DDR2: variants seen among roughly 807,000 people sequenced by gnomAD.
DDR2 encodes the protein discoidin domain-containing receptor 2.
Under a neutral mutation model 94.9 loss-of-function variants are expected in DDR2, and 27 were observed. The ratio of observed to expected loss-of-function variants is 0.28; its 90% confidence interval spans 0.21 to 0.39. DDR2 has a LOEUF of 0.39. Ranked by LOEUF, DDR2 falls within the 10% of genes least tolerant of loss-of-function variation. The pLI is 1.00. For synonymous variants in DDR2, 382 were observed against 377.2 expected (o/e 1.01, Z -0.15); for missense variants, 783 against 1,076.0 (o/e 0.73, Z 3.81).
chr1:162,772,332 G>A, intron 13 of DDR2, 85 bp downstream of exon 13: 3 of 1,354,122 alleles, frequency 2.2e-6, no homozygotes, highest in Non-Finnish European at 3.1e-6. Context: ...CCTTCCAGAG[G>A]TGGATTCACA....
intron 10 of DDR2, among the ~76,000 whole-genome samples, chr1:162,766,812 T>A (rs1176127397): frequency 6.6e-6 from 1 of 151,888 alleles, no homozygotes; most frequent in African/African-American, 2.4e-5. Flanking sequence ...GGCAGGCAGA[T>A]CATGAGGTCA....
intron 10 of DDR2, among the ~76,000 whole-genome samples, chr1:162,766,414 A>G (rs1298043044): frequency 6.6e-6 from 1 of 152,188 alleles, no homozygotes; most frequent in Non-Finnish European, 1.5e-5. Flanking sequence ...CAAAATGCTG[A>G]TATCTCCAAT....
At chr1:162,690,008 A>C (rs573644599) in intron 2 of DDR2, among the ~76,000 whole-genome samples, 1 of 149,370 alleles carries the variant, frequency 6.7e-6, no homozygotes, top group South Asian at 2.2e-4. Flanking sequence ...AAGGCAAGAC[A>C]ATGTCAAAAA....
chr1:162,662,131 T>C (rs901886028), intron 2 of DDR2, among the ~76,000 whole-genome samples: 15 of 152,194 alleles, frequency 9.9e-5, no homozygotes, highest in African/African-American at 3.4e-4. Flanking sequence ...AATGTGAAGG[T>C]TTTAAAGCCA....
At chr1:162,744,229 A>G (rs1016578451) in intron 3 of DDR2, among the ~76,000 whole-genome samples, 9 of 152,192 alleles carry the variant, frequency 5.9e-5, no homozygotes. Context: ...AAGTATAGGC[A>G]CAATGTTGTA....
At chr1:162,646,226 A>G (rs1227230106) in intron 1 of DDR2, among the ~76,000 whole-genome samples, 1 of 152,224 alleles carries the variant, frequency 6.6e-6, no homozygotes, top group Non-Finnish European at 1.5e-5. Flanking sequence ...AAAATTTTTT[A>G]AATCCTAGAA....
intron 1 of DDR2, among the ~76,000 whole-genome samples, chr1:162,640,564 A>G (rs1657080593): frequency 6.6e-6 from 1 of 152,122 alleles, no homozygotes. Flanking sequence ...CCAATCTCCA[A>G]ATTCTAATAC....
In DDR2 at chr1:162,767,287, C is replaced by T; in HGVS notation, c.1221C>T (p.Ala407=). ...GGATCCTGATTGGCTGCTTGGTGGCCATCATCTTTATCCTCCTGGCCATCA... is the reference window on the plus strand; with the variant it reads ...GGATCCTGATTGGCTGCTTGGTGGCTATCATCTTTATCCTCCTGGCCATCA... ...NTRILIGCLV[A]IIFILLAIIV... Residue 407 remains alanine (A), a synonymous_variant, in exon 11 of 18, where the codon GCC becomes GCT. Transcript: ENST00000367921. 6.2e-7 allele frequency: 1 copy of T among 1,614,072 alleles called. No homozygotes were observed. Among genetic ancestry groups the T allele is most frequent in the African/African-American group, 1.3e-5 (1 of 75,002 alleles).
At chr1:162,702,702 A>G (rs991235821) in intron 2 of DDR2, among the ~76,000 whole-genome samples, 1 of 152,214 alleles carries the variant, frequency 6.6e-6, no homozygotes, top group Non-Finnish European at 1.5e-5. Context: ...CTCGTTGTCC[A>G]GAAGGATCAT....
At chr1:162,741,263 G>GTAATGTAATATAATATAATA (rs1318503829) in intron 3 of DDR2, among the ~76,000 whole-genome samples, 2 of 125,320 alleles carry the variant, frequency 1.6e-5, no homozygotes, top group African/African-American at 3.2e-5. Flanking sequence ...GTAATGTAAT[G>GTAATGTAATATAATATAATA]TAATATAATA....
intron 2 of DDR2, among the ~76,000 whole-genome samples, chr1:162,707,692 C>A (rs971211524): frequency 6.6e-6 from 1 of 152,172 alleles, no homozygotes; most frequent in African/African-American, 2.4e-5. Context: ...CCAGGTGATT[C>A]AGCCAGTCCT....
In DDR2 at chr1:162,775,859, C is replaced by G. The variant is rs752640905; in HGVS notation, c.2048+16C>G. 2 of 1,613,678 alleles carry G rather than the reference C, an allele frequency of 1.2e-6. No homozygotes were observed. The highest frequency in any genetic ancestry group is 3.3e-5 in the Admixed American group (2 of 60,016). On this transcript the variant is annotated intron_variant, in intron 15 of 17. Transcript: ENST00000367921. Reference sequence around the variant, plus strand: ...GCACTGTCAGGTAAACAAGCCAGGTCTTCCTTCTCCTCCCTGTGGTCATGA... The same window carrying G: ...GCACTGTCAGGTAAACAAGCCAGGTGTTCCTTCTCCTCCCTGTGGTCATGA...
At chr1:162,723,290 G>A (rs768153707) in intron 3 of DDR2, among the ~76,000 whole-genome samples, 1 of 152,182 alleles carries the variant, frequency 6.6e-6, no homozygotes, top group Admixed American at 6.5e-5. Flanking sequence ...GGCTATGTAG[G>A]AGATCCATTC....
chr1:162,665,675 GA>G (rs1223822133), intron 2 of DDR2, among the ~76,000 whole-genome samples: 1 of 151,590 alleles, frequency 6.6e-6, no homozygotes, highest in Non-Finnish European at 1.5e-5. Flanking sequence ...CCATGGGGAG[GA>G]AAAAAACCTA....
chr1:162,683,543 A>T (rs4657227), intron 2 of DDR2, among the ~76,000 whole-genome samples: 97,228 of 151,974 alleles, frequency 0.64, 33,020 homozygotes, highest in Middle Eastern at 0.81. Context: ...CATACCTATA[A>T]TGAACATGCT....
In DDR2 at chr1:162,759,750, C is replaced by T. The variant is rs1226895136; in HGVS notation, c.672-46C>T. ...AGCTCTTCCACGAATGTGTGGTTAA[C>T]TCAGATTTCTCTCTCCTTTTCCTCC... On this transcript the variant is annotated intron_variant, in intron 7 of 17. Coordinates refer to ENST00000367921, the MANE Select transcript of DDR2 (RefSeq NM_006182.4). The T allele has an allele frequency of 1.9e-6, 3 of 1,611,094 alleles. No homozygotes were observed. The African/African-American group carries it at 4.0e-5, about 21-fold the overall frequency.
Position 162,637,532 on chromosome 1 carries a change from G to T in DDR2, c.-192+4901G>T, listed in dbSNP as rs138690953. ...CTTGTATTAGTATTATGTTTTATTT[G>T]CTATCAGTTACTCAATGTGTATTTA... On this transcript the variant is annotated intron_variant, in intron 1 of 17. Transcript: ENST00000367921. 7.0e-3 allele frequency among the ~76,000 whole-genome samples: 1,067 copies of T among 151,782 alleles called. 19 individuals carry two copies. The highest frequency in any genetic ancestry group is 0.069 in the South Asian group (333 of 4,804).
At chr1:162,702,221 T>C (rs17433710) in intron 2 of DDR2, among the ~76,000 whole-genome samples, 19,017 of 152,172 alleles carry the variant, frequency 0.12, 1,239 homozygotes, top group East Asian at 0.2. Flanking sequence ...TCATCTTTGT[T>C]CGTTGCAATT....
intron 2 of DDR2, among the ~76,000 whole-genome samples, chr1:162,688,148 G>A (rs1486616241): frequency 6.6e-6 from 1 of 152,208 alleles, no homozygotes; most frequent in Admixed American, 6.5e-5. Context: ...ATACGTGAGC[G>A]TGCATTAAGA....
Sources: allele counts gnomAD v4.1 joint callset (sites outside exome capture counted in the v4.1 genomes callset), GRCh38; gene constraint gnomAD v4.1.1; transcripts MANE v1.5; gene names NCBI Gene and HGNC (gene_info 2026-07-23, HGNC 2026-07-21).